CREB3L2: variants seen among roughly 807,000 people sequenced by gnomAD.
CREB3L2 encodes cyclic AMP-responsive element-binding protein 3-like protein 2.
A neutral mutation model predicts 57.2 loss-of-function variants in CREB3L2; 23 were observed. The ratio of observed to expected loss-of-function variants is 0.40; its 90% CI spans 0.29 to 0.57. The LOEUF (loss-of-function observed/expected upper bound fraction) is 0.57. Among genes scored for constraint, CREB3L2 ranks in the 20% least tolerant of loss-of-function variants. The probability of loss-of-function intolerance (pLI) is 0.42; values close to 1 mark genes in which losing one functional copy is unlikely to be tolerated. For synonymous variants in CREB3L2, 268 were observed against 265.1 expected (o/e 1.01, Z -0.11); for missense variants, 628 against 634.7 (o/e 0.99, Z 0.11).
At position 137,876,279 on chromosome 7, in the gene CREB3L2, AC is replaced by A. The variant is rs1799149285; in HGVS notation, c.*4196del. 8.6e-6 allele frequency: 2 copies of A among 232,452 alleles called. No homozygotes were observed. The highest frequency in any genetic ancestry group is 4.4e-5 in the African/African-American group (2 of 45,204). The allele number at this position is 232,452 out of a possible 1,614,324, so 14.4% of individuals were successfully genotyped here. On this transcript the variant is annotated 3_prime_UTR_variant, in exon 12 of 12. Transcript: ENST00000330387. ...GGGATTCCTCAGTCATCCTGGATTT[AC>A]CTATAAGGCACATTTAAGGCACAAA...
At chr7:137,961,934 C>T (rs1489281745) in intron 1 of CREB3L2, among the ~76,000 whole-genome samples, 1 of 152,062 alleles carries the variant, frequency 6.6e-6, no homozygotes, top group Non-Finnish European at 1.5e-5. Flanking sequence ...ATGGGAACTT[C>T]TAGGAAGTTC....
intron 1 of CREB3L2, among the ~76,000 whole-genome samples, chr7:137,998,897 C>T (rs1207335131): frequency 6.6e-6 from 1 of 152,188 alleles, no homozygotes; most frequent in Non-Finnish European, 1.5e-5. Context: ...TCAGCCCTGC[C>T]TTTCGGATGA....
At chr7:137,939,081 T>C (rs1198840964) in intron 1 of CREB3L2, among the ~76,000 whole-genome samples, 1 of 152,226 alleles carries the variant, frequency 6.6e-6, no homozygotes, top group Non-Finnish European at 1.5e-5. Flanking sequence ...TGAACCCAAA[T>C]TAGCCTCTAG....
At chr7:137,985,409 A>G (rs544232916) in intron 1 of CREB3L2, among the ~76,000 whole-genome samples, 2 of 152,144 alleles carry the variant, frequency 1.3e-5, no homozygotes, top group Non-Finnish European at 2.9e-5. Flanking sequence ...CAGTGTATGG[A>G]CAGCATTCCA....
Position 137,885,432 on chromosome 7 carries a change from C to G in CREB3L2, c.1114G>C (p.Ala372Pro), listed in dbSNP as rs1799396381. The G allele has an allele frequency of 1.2e-6, 2 of 1,614,064 alleles. No homozygotes were observed. Among genetic ancestry groups the G allele is most frequent in the South Asian group, 2.2e-5 (2 of 91,086 alleles). The change falls in exon 9 of 12, where the codon GCT becomes CCT. Residue 372 changes from alanine (A) to proline (P), a missense_variant. By Grantham distance (27) the Ala-to-Pro change is conservative. Coordinates refer to ENST00000330387, the MANE Select transcript of CREB3L2 (RefSeq NM_194071.4). Reference protein sequence around the residue: ...MGKVSRTCKLAGTQTGTCLMV... With the variant: ...MGKVSRTCKLPGTQTGTCLMV... ...AGGCAGGTGCCAGTCTGCGTGCCAG[C>G]TAACTTGCAGGTTCGAGAAACCTTG...
At chr7:137,943,468 T>C (rs1411965244) in intron 1 of CREB3L2, among the ~76,000 whole-genome samples, 1 of 152,100 alleles carries the variant, frequency 6.6e-6, no homozygotes, top group Non-Finnish European at 1.5e-5. Flanking sequence ...TGACTCAACT[T>C]GTGGAGGCCA....
intron 1 of CREB3L2, chr7:137,933,694 T>C (rs934891922): frequency 1.3e-5 from 2 of 152,188 alleles, no homozygotes; most frequent in African/African-American, 2.4e-5. Context: ...CACCCAAGAA[T>C]TTAGCAAGGT....
chr7:137,936,014 AG>A (rs1220543556), intron 1 of CREB3L2: 3 of 840,904 alleles, frequency 3.6e-6, no homozygotes, highest in African/African-American at 3.7e-5. Flanking sequence ...GGGTGAGGAA[AG>A]GGGAACAAAG....
chr7:137,891,983 G>A (rs1158958367), intron 8 of CREB3L2, among the ~76,000 whole-genome samples: 1 of 152,170 alleles, frequency 6.6e-6, no homozygotes, highest in East Asian at 1.9e-4. Flanking sequence ...ATGTATGTGT[G>A]TAAACTATTC....
At chr7:137,985,574 A>G (rs944692535) in intron 1 of CREB3L2, among the ~76,000 whole-genome samples, 5 of 152,130 alleles carry the variant, frequency 3.3e-5, no homozygotes, top group African/African-American at 1.2e-4. Flanking sequence ...AACAGGTCAC[A>G]ATCAGCCCCA....
intron 3 of CREB3L2, among the ~76,000 whole-genome samples, chr7:137,914,981 C>T (rs1800096396): frequency 6.6e-6 from 1 of 152,168 alleles, no homozygotes; most frequent in Non-Finnish European, 1.5e-5. Context: ...GCAGCTTCCG[C>T]CTCCCAAAGT....
intron 1 of CREB3L2, among the ~76,000 whole-genome samples, chr7:137,951,492 G>A (rs1554501545): frequency 6.6e-6 from 1 of 152,132 alleles, no homozygotes; most frequent in Non-Finnish European, 1.5e-5. Context: ...GCAGCAAAGG[G>A]TTAGTATTTG....
chr7:137,930,013 C>G (rs1002376728), intron 1 of CREB3L2, among the ~76,000 whole-genome samples: 1 of 151,886 alleles, frequency 6.6e-6, no homozygotes, highest in Middle Eastern at 3.4e-3. Flanking sequence ...CCTGTCTCAG[C>G]CTCCTGAGTA....
chr7:137,875,068 C>G lies in CREB3L2; in HGVS notation c.*5408G>C, dbSNP rs1429625409. On this transcript the variant is annotated 3_prime_UTR_variant, in exon 12 of 12. Transcript: ENST00000330387. ...TTATTTTTTTTTCCCAAACTAAGTA[C>G]AAGTGTCCTACAAAGCTTTTTTTTT... The G allele has an allele frequency of 5.3e-6, 1 of 187,642 alleles. No individual in the cohort carries two copies. The highest frequency in any genetic ancestry group is 1.1e-5 in the Non-Finnish European group (1 of 91,436). 11.6% of individuals were successfully genotyped at this position (187,642 alleles called of 1,614,324 possible).
chr7:137,993,310 T>C (rs574056249), intron 1 of CREB3L2, among the ~76,000 whole-genome samples: 4 of 152,254 alleles, frequency 2.6e-5, no homozygotes, highest in African/African-American at 4.8e-5. Flanking sequence ...AACATCAAAA[T>C]GGCCTGCCTT....
chr7:137,947,206 C>A (rs1034572383), intron 1 of CREB3L2, among the ~76,000 whole-genome samples: 1 of 151,162 alleles, frequency 6.6e-6, no homozygotes, highest in African/African-American at 2.4e-5. Context: ...ATGCTGGCAC[C>A]CTGATCTCAG....
At chr7:137,896,275 A>G (rs1799626835) in intron 8 of CREB3L2, among the ~76,000 whole-genome samples, 2 of 152,186 alleles carry the variant, frequency 1.3e-5, no homozygotes, top group Non-Finnish European at 1.5e-5. Context: ...TTTCCCTCTC[A>G]AGCCAAAATA....
chr7:137,901,097 CAT>C (rs140675225), intron 8 of CREB3L2, among the ~76,000 whole-genome samples: 107 of 152,250 alleles, frequency 7.0e-4, no homozygotes, highest in Non-Finnish European at 1.4e-3. Context: ...AGAGTGTGTA[CAT>C]ATGTGTATTG....
chr7:137,937,485 C>T (rs959806057), intron 1 of CREB3L2, among the ~76,000 whole-genome samples: 18 of 152,072 alleles, frequency 1.2e-4, no homozygotes, highest in Non-Finnish European at 5.9e-5. Flanking sequence ...ACACAAGTAC[C>T]CTGCACACAA....
Sources: allele counts gnomAD v4.1 joint callset (sites outside exome capture counted in the v4.1 genomes callset), GRCh38; gene constraint gnomAD v4.1.1; transcripts MANE v1.5; gene names NCBI Gene and HGNC (gene_info 2026-07-23, HGNC 2026-07-21).